Variants in TERT observed in about 807,000 individuals in gnomAD.
TERT encodes the protein telomerase reverse transcriptase.
TERT carries 42 observed loss-of-function variants against 104.0 expected under a neutral mutation model. That is an observed-to-expected ratio of 0.40 (90% confidence interval 0.32 to 0.52). TERT has a LOEUF of 0.52. Ranked by LOEUF, TERT falls within the 20% of genes least tolerant of loss-of-function variation. The probability of loss-of-function intolerance (pLI) is 0.43; values close to 1 mark genes in which losing one functional copy is unlikely to be tolerated. For missense variants in TERT, 1,101 were observed against 1,610.3 expected (o/e 0.68, Z 5.41); for synonymous variants, 781 against 725.6 (o/e 1.08, Z -1.23).
At chr5:1,279,708 G>C (rs1749883973) in intron 4 of TERT, among the ~76,000 whole-genome samples, 1 of 152,232 alleles carries the variant, frequency 6.6e-6, no homozygotes. Flanking sequence ...ACTCTCCTCA[G>C]ATGACGGGGT....
Position 1,286,964 on chromosome 5 carries a change from G to T in TERT, c.1574-4340C>A, listed in dbSNP as rs545461398. Among the ~76,000 whole-genome samples, 1 of 152,196 alleles carries T rather than the reference G, an allele frequency of 6.6e-6. No homozygotes were observed. The highest frequency in any genetic ancestry group is 1.9e-4 in the East Asian group (1 of 5,164). On this transcript the variant is annotated intron_variant, in intron 2 of 15. Coordinates refer to ENST00000310581, the MANE Select transcript of TERT (RefSeq NM_198253.3). This position sits in a 1 kb window ranked among gnomAD's most constrained non-coding sequence, Gnocchi z 5.3. ...AAAGCAAATGCCCAGTGACCAGGAG[G>T]CAACGAGAGGATCAACACACACTCG...
chr5:1,288,915 C>T lies in TERT; in HGVS notation c.1573+4398G>A, dbSNP rs955996981. 6.6e-6 allele frequency among the ~76,000 whole-genome samples: 1 copy of T among 152,146 alleles called. No homozygotes were observed. The highest frequency in any genetic ancestry group is 2.1e-4 in the South Asian group (1 of 4,836). On this transcript the variant is annotated intron_variant, in intron 2 of 15. Transcript: ENST00000310581. The surrounding 1 kb of genome is among the most constrained non-coding windows in gnomAD (Gnocchi z 5.3). ...CCCGTGTCCCCGTAGCAAAATGGAA[C>T]GGAGAGGTGACCAAGAAGAGCCGAG...
rs2126595366 is a variant in TERT, at chr5:1,264,576, C to T, written c.2671G>A (p.Val891Ile). The T allele has an allele frequency of 6.2e-7, 1 of 1,614,016 alleles. No individual in the cohort carries two copies. Among genetic ancestry groups the T allele is most frequent in the South Asian group, 1.1e-5 (1 of 91,088 alleles). ...TTCACCACGCAGCCATACTCAGGGA[C>T]ACCTCGGACCAGGGTCCTAAGGCAG... Reference protein sequence around the residue: ...KTFLRTLVRGVPEYGCVVNLR... With the variant: ...KTFLRTLVRGIPEYGCVVNLR... Residue 891 changes from valine to isoleucine, a missense_variant, in exon 11 of 16, where the codon GTC (valine) becomes ATC (isoleucine). Around this residue, in one of 5 missense-constraint regions of TERT, gnomAD observed 463 missense variants for 797.5 expected, o/e 0.58. Transcript: ENST00000310581.
In TERT at chr5:1,294,997, G is replaced by A; in HGVS notation, c.-8C>T. ...GCGGGGAGCGCGCGGCATCGCGGGGGTGGCCGGGGCCAGGGCTTCCCACGT... is the reference window on the plus strand; with the variant it reads ...GCGGGGAGCGCGCGGCATCGCGGGGATGGCCGGGGCCAGGGCTTCCCACGT... On this transcript the variant is annotated 5_prime_UTR_variant, in exon 1 of 16. Coordinates refer to ENST00000310581, the MANE Select transcript of TERT (RefSeq NM_198253.3). 3.8e-6 allele frequency: 5 copies of A among 1,315,984 alleles called. No individual in the cohort carries two copies. The highest frequency in any genetic ancestry group is 3.8e-6 in the Non-Finnish European group (4 of 1,040,248). The allele number at this position is 1,315,984 out of a possible 1,614,324, so 81.5% of individuals were successfully genotyped here.
intron 10 of TERT, 83 bp downstream of exon 10, chr5:1,266,381 G>T (rs1748602295): frequency 8.2e-7 from 1 of 1,214,460 alleles, no homozygotes; most frequent in South Asian, 1.3e-5. Context: ...CAACGCTGCG[G>T]TGCCAGGGGC....
intron 2 of TERT, among the ~76,000 whole-genome samples, chr5:1,291,775 C>A (rs1366198502): frequency 2.6e-5 from 4 of 152,224 alleles, no homozygotes; most frequent in African/African-American, 9.6e-5. Flanking sequence ...GGGGACCACG[C>A]CTCACTCCCT....
In TERT at chr5:1,293,984, C is replaced by T. The variant is rs1268051204; in HGVS notation, c.902G>A (p.Arg301His). 5 of 1,568,070 alleles carry T rather than the reference C, an allele frequency of 3.2e-6. No homozygotes were observed. The highest frequency in any genetic ancestry group is 2.4e-5 in the East Asian group (1 of 41,732). Residue 301 changes from arginine to histidine, a missense_variant, in exon 2 of 16, where the codon CGC becomes CAC. Transcript: ENST00000310581. ...GTRHSHPSVG[R>H]QHHAGPPSTS... ...GGATGGGGGGCCCGCGTGGTGCTGG[C>T]GGCCCACGGATGGGTGGGAGTGGCG...
intron 13 of TERT, among the ~76,000 whole-genome samples, chr5:1,258,160 C>T (rs779697645): frequency 6.6e-6 from 1 of 152,196 alleles, no homozygotes; most frequent in Admixed American, 6.5e-5. Context: ...TGCACCTTCC[C>T]GGGGGTGGGG....
Position 1,261,161 on chromosome 5 carries a change from C to T in TERT, c.2844-561G>A, listed in dbSNP as rs1468192386. 6.6e-6 allele frequency among the ~76,000 whole-genome samples: 1 copy of T among 152,184 alleles called. No homozygotes were observed. The highest frequency in any genetic ancestry group is 2.4e-5 in the African/African-American group (1 of 41,436). On this transcript the variant is annotated intron_variant, in intron 11 of 15. Coordinates refer to ENST00000310581, the MANE Select transcript of TERT (RefSeq NM_198253.3). The surrounding 1 kb of genome is among the most constrained non-coding windows in gnomAD (Gnocchi z 7.4). ...CAGGGCCTCACCACCACTCACTGCC[C>T]ATGTATGTCCATGTCCAAAGATGAA...
intron 15 of TERT, 42 bp downstream of exon 15, chr5:1,254,326 C>T: frequency 6.2e-7 from 1 of 1,612,600 alleles, no homozygotes; most frequent in South Asian, 1.1e-5. Flanking sequence ...AAGGATGACC[C>T]CTGGGCAGGT....
intron 2 of TERT, among the ~76,000 whole-genome samples, chr5:1,289,617 G>C (rs1750738483): frequency 8.5e-6 from 1 of 117,472 alleles, no homozygotes; most frequent in African/African-American, 3.7e-5. Context: ...ACGTGACAGG[G>C]ACACGCGGGG....
Position 1,253,630 on chromosome 5 carries a change from G to T in TERT, c.*98C>A. On this transcript the variant is annotated 3_prime_UTR_variant, in exon 16 of 16. Coordinates refer to ENST00000310581, the MANE Select transcript of TERT (RefSeq NM_198253.3). ...CAGGCCTCAGACTCCCAGCGGTGCG[G>T]GCCTGGGTGTGGGCCGCCCCTCCCT... The T allele has an allele frequency of 9.7e-7, 1 of 1,034,946 alleles. No individual in the cohort carries two copies. The highest frequency in any genetic ancestry group is 1.5e-6 in the Non-Finnish European group (1 of 683,630). The allele number at this position is 1,034,946 out of a possible 1,614,324, so 64.1% of individuals were successfully genotyped here. A position where few individuals can be genotyped will look rare whatever the true frequency, so the allele number is the denominator to read the frequency against.
intron 5 of TERT, 99 bp from the exon 6 acceptor site, chr5:1,278,895 C>A: frequency 6.6e-7 from 1 of 1,525,870 alleles, no homozygotes; most frequent in South Asian, 1.1e-5. Flanking sequence ...CCCACTCTCT[C>A]TCTGACCCCC....
chr5:1,293,851 G>C lies in TERT; in HGVS notation c.1035C>G (p.Phe345Leu). Residue 345 changes from phenylalanine (F) to leucine (L), a missense_variant, in exon 2 of 16, where the codon TTC becomes TTG. By Grantham distance (22) the Phe-to-Leu change is conservative. This residue lies in a region of TERT where 504 missense variants were observed against 544.6 expected (regional missense o/e 0.93). Transcript: ENST00000310581. ...GGCTGGGCCTCAGAGAGCTGAGTAGGAAGGAGGGCCGCAGCTGCTCCTTGT... is the reference window on the plus strand; with the variant it reads ...GGCTGGGCCTCAGAGAGCTGAGTAGCAAGGAGGGCCGCAGCTGCTCCTTGT... ...SGDKEQLRPSFLLSSLRPSLT... is the reference protein window; with the variant it reads ...SGDKEQLRPSLLLSSLRPSLT... The C allele has an allele frequency of 6.5e-7, 1 of 1,547,474 alleles. No individual in the cohort carries two copies. Among genetic ancestry groups the C allele is most frequent in the Non-Finnish European group, 8.7e-7 (1 of 1,146,998 alleles).
chr5:1,288,354 A>G lies in TERT; in HGVS notation c.1573+4959T>C, dbSNP rs1198903131. ...GAAAGAATAAACCAAGAAAAAGCATACAATGGAGAGATAGAAACGTCAGAG... is the reference window on the plus strand; with the variant it reads ...GAAAGAATAAACCAAGAAAAAGCATGCAATGGAGAGATAGAAACGTCAGAG... On this transcript the variant is annotated intron_variant, in intron 2 of 15. Transcript: ENST00000310581. This position sits in a 1 kb window ranked among gnomAD's most constrained non-coding sequence, Gnocchi z 5.3. 6.6e-6 allele frequency among the ~76,000 whole-genome samples: 1 copy of G among 152,216 alleles called. No individual in the cohort carries two copies. Among genetic ancestry groups the G allele is most frequent in the Non-Finnish European group, 1.5e-5 (1 of 68,036 alleles).
chr5:1,280,083 C>T, intron 4 of TERT, 75 bp downstream of exon 4: 1 of 1,590,802 alleles, frequency 6.3e-7, no homozygotes, highest in Non-Finnish European at 8.6e-7. Context: ...CCGGGCCCTT[C>T]ATCTAAGCTG....
rs1749854298 is a variant in TERT, at chr5:1,279,396, G to A, written c.2025C>T (p.Leu675=). Residue 675 remains leucine (L), a synonymous_variant, in exon 5 of 16, where the codon CTC becomes CTT. Transcript: ENST00000310581. ...CCAGGCCCAGCACAGAGGCGCCCAGGAGGCCGGGGCGCCGCGCCCGCTCGT... is the reference window on the plus strand; with the variant it reads ...CCAGGCCCAGCACAGAGGCGCCCAGAAGGCCGGGGCGCCGCGCCCGCTCGT... ...LNYERARRPG[L]LGASVLGLDD... The A allele has an allele frequency of 1.3e-6, 2 of 1,556,660 alleles. No homozygotes were observed. The highest frequency in any genetic ancestry group is 8.7e-7 in the Non-Finnish European group (1 of 1,152,028).
chr5:1,255,260 C>T lies in TERT; in HGVS notation c.3157+27G>A. The T allele has an allele frequency of 6.2e-7, 1 of 1,611,806 alleles. No individual in the cohort carries two copies. The highest frequency in any genetic ancestry group is 1.1e-5 in the South Asian group (1 of 90,684). On this transcript the variant is annotated intron_variant, in intron 14 of 15. Coordinates refer to ENST00000310581, the MANE Select transcript of TERT (RefSeq NM_198253.3). This position sits in a 1 kb window ranked among gnomAD's most constrained non-coding sequence, Gnocchi z 6.9. The stretch of plus-strand genomic sequence containing the variant: ...TAACACCAGCAGGCAGGCACTGCTG[C>T]CACTGAGGCCAGGCACCTGCACATA...
chr5:1,269,412 C>A lies in TERT; in HGVS notation c.2469-779G>T, dbSNP rs1748862195. On this transcript the variant is annotated intron_variant, in intron 8 of 15. Transcript: ENST00000310581. The surrounding 1 kb of genome is among the most constrained non-coding windows in gnomAD (Gnocchi z 9.0). Reference sequence around the variant, plus strand: ...ATCACCTGAGGTCAGGAGTTCGAGACCAGCCTGGCCAACATGGCAAAAACC... The same window carrying A: ...ATCACCTGAGGTCAGGAGTTCGAGAACAGCCTGGCCAACATGGCAAAAACC... Among the ~76,000 whole-genome samples the A allele has an allele frequency of 6.6e-6, 1 of 152,072 alleles. No individual in the cohort carries two copies.
Sources: gnomAD v4.1 joint callset for allele counts (sites outside exome capture counted in the v4.1 genomes callset) on GRCh38, gnomAD v4.1.1 for gene constraint, gnomAD v4.1.1 regional missense constraint, Gnocchi (gnomAD v3.1) non-coding constraint, MANE v1.5 for transcripts, NCBI Gene and HGNC (gene_info 2026-07-23, HGNC 2026-07-21) for gene names.